Variants in TBR1 observed in about 807,000 individuals in gnomAD.
The protein encoded by TBR1 is T-box brain transcription factor 1, also known as T-box brain protein 1.
In TBR1, 7 loss-of-function variants were observed where a neutral mutation model predicts 60.3. That is an observed-to-expected ratio of 0.12 (90% CI 0.07 to 0.22). The LOEUF is 0.22. Among genes scored for constraint, TBR1 ranks in the 10% least tolerant of loss-of-function variants. The probability of loss-of-function intolerance (pLI) is 1.00; values close to 1 mark genes in which losing one functional copy is unlikely to be tolerated. For synonymous variants in TBR1, 417 were observed against 409.9 expected, an observed-to-expected ratio of 1.02 and a Z score of -0.21; for missense variants, 616 against 936.8, an observed-to-expected ratio of 0.66 and a Z score of 4.47.
intron 3 of TBR1, 91 bp downstream of exon 3, chr2:161,418,413 G>C: frequency 6.8e-7 from 1 of 1,475,486 alleles, no homozygotes; most frequent in Non-Finnish European, 9.1e-7. Flanking sequence ...TATGGAACTG[G>C]ATACACGTTT....
Position 161,416,791 on chromosome 2 carries a change from C to G in TBR1, c.381C>G (p.Pro127=), listed in dbSNP as rs770390987. 6.2e-7 allele frequency: 1 copy of G among 1,614,148 alleles called. No homozygotes were observed. Among genetic ancestry groups the G allele is most frequent in the Non-Finnish European group, 8.5e-7 (1 of 1,180,038 alleles). The change falls in exon 1 of 6, where the codon CCC becomes CCG. Residue 127 remains proline (P), a synonymous_variant. Transcript: ENST00000389554. This position sits in a 1 kb window ranked among gnomAD's most constrained non-coding sequence, Gnocchi z 6.1. ...CTCCCAGTGCCATGTTCCCGTACCCCGGCCAGCACGGACCGGCGCACCCCG... is the reference window on the plus strand; with the variant it reads ...CTCCCAGTGCCATGTTCCCGTACCCGGGCCAGCACGGACCGGCGCACCCCG... ...ATAPSAMFPY[P]GQHGPAHPAF...
chr2:161,419,180 G>C, intron 4 of TBR1, 130 bp downstream of exon 4: 3 of 1,400,304 alleles, frequency 2.1e-6, no homozygotes, highest in Non-Finnish European at 2.9e-6. Flanking sequence ...TCCGCTGTGC[G>C]TTTTAAGGCT....
chr2:161,420,519 T>C (rs574223626), intron 5 of TBR1: 76 of 244,392 alleles, frequency 3.1e-4, no homozygotes, highest in African/African-American at 1.7e-3. Flanking sequence ...CTCCACCTAA[T>C]TTTAACTTTC....
rs765264051 is a variant in TBR1 at position 161,425,367 on chromosome 2, T to C, written c.*1140T>C. Reference sequence around the variant, plus strand: ...AATTGTTGGTAACTATAGTGTAGTCTAGTGAAGATGAATTGTGTGAGTTGT... The same window carrying C: ...AATTGTTGGTAACTATAGTGTAGTCCAGTGAAGATGAATTGTGTGAGTTGT... On this transcript the variant is annotated 3_prime_UTR_variant, in exon 6 of 6. Coordinates refer to ENST00000389554, the MANE Select transcript of TBR1 (RefSeq NM_006593.4). The C allele has an allele frequency of 1.3e-5, 2 of 152,192 alleles. No individual in the cohort carries two copies. The highest frequency in any genetic ancestry group is 2.4e-5 in the African/African-American group (1 of 41,446). The allele number at this position is 152,192 out of a possible 1,614,324, so 9.4% of individuals were successfully genotyped here.
chr2:161,423,324 C>G (rs1278386499), intron 5 of TBR1, 45 bp from the exon 6 acceptor site: 3 of 1,206,176 alleles, frequency 2.5e-6, no homozygotes, highest in African/African-American at 3.2e-5. Flanking sequence ...CAAGGGACCT[C>G]CGCGCCACCC....
Position 161,424,509 on chromosome 2 carries a change from T to C in TBR1, c.*282T>C. 2 of 364,418 alleles carry C rather than the reference T, an allele frequency of 5.5e-6. No homozygotes were observed. The highest frequency in any genetic ancestry group is 2.1e-5 in the African/African-American group (1 of 48,208). 22.6% of individuals were successfully genotyped at this position (364,418 alleles called of 1,614,324 possible). ...TGGAGTTATCCTCCTACAATTCCCC[T>C]CCCCCTCGTCTTTCTCTTACCTCCT... On this transcript the variant is annotated 3_prime_UTR_variant, in exon 6 of 6. Coordinates refer to ENST00000389554, the MANE Select transcript of TBR1 (RefSeq NM_006593.4). The surrounding 1 kb of genome is among the most constrained non-coding windows in gnomAD (Gnocchi z 4.4).
At chr2:161,419,451 A>C (rs1684189317) in intron 4 of TBR1, 1 of 178,362 alleles carries the variant, frequency 5.6e-6, no homozygotes, top group South Asian at 1.3e-4. Flanking sequence ...GCATCTAAAA[A>C]AAAATTTCTC....
intron 4 of TBR1, chr2:161,419,277 C>G: frequency 1.8e-6 from 1 of 560,458 alleles, no homozygotes; most frequent in South Asian, 2.4e-5. Flanking sequence ...GCTGGTCACC[C>G]GGGCCACCTT....
intron 4 of TBR1, 126 bp downstream of exon 4, chr2:161,419,176 G>A (rs1177825851): frequency 4.1e-6 from 6 of 1,459,030 alleles, no homozygotes; most frequent in Non-Finnish European, 5.6e-6. Flanking sequence ...TGGCTCCGCT[G>A]TGCGTTTTAA....
At chr2:161,418,154 C>T (rs747199724) in intron 2 of TBR1, 47 bp from the exon 3 acceptor site, 1 of 1,570,286 alleles carries the variant, frequency 6.4e-7, no homozygotes. Context: ...GGAGCTGGGA[C>T]TGGGCAGTGC....
intron 5 of TBR1, chr2:161,422,386 G>T (rs1370819264): frequency 6.6e-6 from 1 of 152,122 alleles, no homozygotes; most frequent in African/African-American, 2.4e-5. Context: ...AATCACTGTC[G>T]CTGGTTGGGC....
chr2:161,423,298 G>GGC, intron 5 of TBR1, 71 bp from the exon 6 acceptor site: 1 of 1,095,546 alleles, frequency 9.1e-7, no homozygotes, highest in Non-Finnish European at 1.2e-6. Flanking sequence ...CTTCCCTTCT[G>GGC]CCCCCACCCC....
At position 161,424,001 on chromosome 2, in the gene TBR1, A is replaced by T; in HGVS notation, c.1823A>T (p.Asp608Val). 1 of 1,570,240 alleles carries T rather than the reference A, an allele frequency of 6.4e-7. No individual in the cohort carries two copies. The highest frequency in any genetic ancestry group is 8.6e-7 in the Non-Finnish European group (1 of 1,158,178). ...PGAAEDAKPK[D>V]LSDSSWIETP... ...GCCGCCGAGGACGCCAAGCCCAAGG[A>T]CCTGTCCGATTCCAGCTGGATCGAG... is the stretch of plus-strand genomic sequence containing the variant. Residue 608 changes from aspartate (D) to valine (V), a missense_variant, in exon 6 of 6, where the codon GAC (aspartate) becomes GTC (valine). Asp to Val is a radical substitution (Grantham distance 152). This residue lies in a region of TBR1 where 210 missense variants were observed against 297.4 expected (regional missense o/e 0.71). Transcript: ENST00000389554. The surrounding 1 kb of genome is among the most constrained non-coding windows in gnomAD (Gnocchi z 4.4).
Position 161,416,854 on chromosome 2 carries a change from C to A in TBR1, c.444C>A (p.His148Gln). Residue 148 changes from histidine (H) to glutamine (Q), a missense_variant, in exon 1 of 6, where the codon CAC becomes CAA. Coordinates refer to ENST00000389554, the MANE Select transcript of TBR1 (RefSeq NM_006593.4). The surrounding 1 kb of genome is among the most constrained non-coding windows in gnomAD (Gnocchi z 6.1). ...GCAGCCCTAGCCGCTACATGGCCCA[C>A]CACCCGGTCATCACCAACGGAGCCT... ...SIGSPSRYMA[H>Q]HPVITNGAYN... 2 of 1,614,098 alleles carry A rather than the reference C, an allele frequency of 1.2e-6. No homozygotes were observed. Among genetic ancestry groups the A allele is most frequent in the Non-Finnish European group, 1.7e-6 (2 of 1,180,010 alleles).
rs553209501 is a variant in TBR1, at chr2:161,417,447, G to C, written c.693-229G>C. The stretch of plus-strand genomic sequence containing the variant: ...GTCGCCAACCTCGCTCTCCACCTGG[G>C]CAGTGATAACTGCCACCTTCCCACT... On this transcript the variant is annotated intron_variant, in intron 1 of 5. Transcript: ENST00000389554. This position sits in a 1 kb window ranked among gnomAD's most constrained non-coding sequence, Gnocchi z 5.3. The C allele has an allele frequency of 2.4e-4, 149 of 612,180 alleles. No homozygotes were observed. In the African/African-American group the frequency reaches 2.7e-3, roughly 11 times the overall value. 37.9% of individuals were successfully genotyped at this position (612,180 alleles called of 1,614,324 possible). A position where few individuals can be genotyped will look rare whatever the true frequency, so the allele number is the denominator to read the frequency against.
Position 161,416,580 on chromosome 2 carries a change from G to C in TBR1, c.170G>C (p.Arg57Thr). The C allele has an allele frequency of 6.2e-7, 1 of 1,614,162 alleles. No individual in the cohort carries two copies. Residue 57 changes from arginine (R) to threonine (T), a missense_variant, in exon 1 of 6, where the codon AGG (arginine) becomes ACG (threonine). Arg to Thr is a moderately conservative substitution (Grantham distance 71). Coordinates refer to ENST00000389554, the MANE Select transcript of TBR1 (RefSeq NM_006593.4). The surrounding 1 kb of genome is among the most constrained non-coding windows in gnomAD (Gnocchi z 6.1). ...AGTTCACCTTTGAAAAAAATTACCA[G>C]GGGGATGACGAATCAGTCAGATACA... ...ERSSPLKKIT[R>T]GMTNQSDTDN...
In TBR1 at chr2:161,420,177, C is replaced by A. The variant is rs1164806289; in HGVS notation, c.1129-19C>A. The A allele has an allele frequency of 5.0e-6, 8 of 1,607,492 alleles. No individual in the cohort carries two copies. The highest frequency in any genetic ancestry group is 6.8e-6 in the Non-Finnish European group (8 of 1,175,140). ...CACGTATAAAAGGTGAGATAACATT[C>A]ATTTTTTTTCTTTGCCAGATTACAC... On this transcript the variant is annotated intron_variant, in intron 4 of 5. Coordinates refer to ENST00000389554, the MANE Select transcript of TBR1 (RefSeq NM_006593.4).
At position 161,417,244 on chromosome 2, in the gene TBR1, G is replaced by A. The variant is rs1684139232; in HGVS notation, c.692+142G>A. On this transcript the variant is annotated intron_variant, in intron 1 of 5. Transcript: ENST00000389554. The surrounding 1 kb of genome is among the most constrained non-coding windows in gnomAD (Gnocchi z 5.3). ...AGAGTTGGCTAGTTTTGGAAAGGGG[G>A]AAAGTGGAAGGGATAACCGCCAGGG... The A allele has an allele frequency of 4.8e-6, 4 of 835,770 alleles. No homozygotes were observed. The highest frequency in any genetic ancestry group is 3.6e-5 in the South Asian group (2 of 55,058). The allele number at this position is 835,770 out of a possible 1,614,324, so 51.8% of individuals were successfully genotyped here.
At position 161,424,374 on chromosome 2, in the gene TBR1, A is replaced by G; in HGVS notation, c.*147A>G. Reference sequence around the variant, plus strand: ...ATGGCCGTCTGCAGCGAATAAGTGCAGGTCTCCGAGCGTGATTTTAACCTT... The same window carrying G: ...ATGGCCGTCTGCAGCGAATAAGTGCGGGTCTCCGAGCGTGATTTTAACCTT... On this transcript the variant is annotated 3_prime_UTR_variant, in exon 6 of 6. Transcript: ENST00000389554. This position sits in a 1 kb window ranked among gnomAD's most constrained non-coding sequence, Gnocchi z 4.4. 3 of 891,564 alleles carry G rather than the reference A, an allele frequency of 3.4e-6. No homozygotes were observed. The highest frequency in any genetic ancestry group is 5.0e-6 in the Non-Finnish European group (3 of 596,590). 55.2% of individuals were successfully genotyped at this position (891,564 alleles called of 1,614,324 possible).
Sources: allele counts gnomAD v4.1 joint callset, GRCh38; gene constraint gnomAD v4.1.1; regional missense constraint gnomAD v4.1.1; non-coding constraint Gnocchi (gnomAD v3.1); transcripts MANE v1.5; gene names NCBI Gene and HGNC (gene_info 2026-07-23, HGNC 2026-07-21).